WWOX: variants seen among roughly 807,000 people sequenced by gnomAD.
The protein encoded by WWOX is WW domain containing oxidoreductase.
Under a neutral mutation model 46.2 loss-of-function variants are expected in WWOX, and 69 were observed. The ratio of observed to expected loss-of-function variants is 1.49; its 90% CI spans 1.23 to 1.82. WWOX has a LOEUF of 1.82. Among genes scored for constraint, WWOX ranks in the 40% most tolerant of loss-of-function variants. The probability of loss-of-function intolerance (pLI) is 0.00; values close to 1 mark genes in which losing one functional copy is unlikely to be tolerated. For synonymous variants in WWOX, 359 were observed against 202.6 expected, an observed-to-expected ratio of 1.77 and a Z score of -6.56; for missense variants, 919 against 542.6, an observed-to-expected ratio of 1.69 and a Z score of -6.89.
chr16:78,549,581 G>T (rs1312617361), intron 8 of WWOX, among the ~76,000 whole-genome samples: 3 of 152,098 alleles, frequency 2.0e-5, no homozygotes, highest in Admixed American at 2.0e-4. Flanking sequence ...AAGACATGTG[G>T]CCACTCCAGA....
chr16:78,670,376 G>T (rs1487126130), intron 8 of WWOX, among the ~76,000 whole-genome samples: 2 of 152,164 alleles, frequency 1.3e-5, no homozygotes, highest in Non-Finnish European at 2.9e-5. Flanking sequence ...CCGGAAATAT[G>T]CAGGAAAAGC....
At chr16:78,872,351 C>T (rs1199352382) in intron 8 of WWOX, among the ~76,000 whole-genome samples, 1 of 152,044 alleles carries the variant, frequency 6.6e-6, no homozygotes, top group East Asian at 1.9e-4. Context: ...ACTGAGGACT[C>T]AACAAAGTTA....
chr16:78,420,339 C>T (rs1176356704), intron 6 of WWOX, among the ~76,000 whole-genome samples: 1 of 152,086 alleles, frequency 6.6e-6, no homozygotes, highest in African/African-American at 2.4e-5. Context: ...AGTGATATTC[C>T]TAATAGCCAA....
intron 8 of WWOX, among the ~76,000 whole-genome samples, chr16:78,680,594 C>T (rs2047706683): frequency 6.6e-6 from 1 of 152,150 alleles, no homozygotes; most frequent in African/African-American, 2.4e-5. Context: ...CCAGTGGACA[C>T]GTGGGGCCAT....
intron 8 of WWOX, among the ~76,000 whole-genome samples, chr16:78,851,465 T>C (rs1424737576): frequency 6.6e-6 from 1 of 152,212 alleles, no homozygotes; most frequent in African/African-American, 2.4e-5. Flanking sequence ...CAAAGGTCAT[T>C]GCCTATATGA....
intron 8 of WWOX, among the ~76,000 whole-genome samples, chr16:79,209,419 G>T (rs562577536): frequency 1.3e-5 from 2 of 152,314 alleles, no homozygotes; most frequent in Non-Finnish European, 2.9e-5. Flanking sequence ...TTCCCAAACG[G>T]ACTGCTTTGG....
chr16:79,097,546 G>A (rs919850361), intron 8 of WWOX, among the ~76,000 whole-genome samples: 1 of 152,090 alleles, frequency 6.6e-6, no homozygotes, highest in East Asian at 1.9e-4. Context: ...AATGTCTTTT[G>A]TTTGTATTAG....
intron 5 of WWOX, among the ~76,000 whole-genome samples, chr16:78,166,267 T>G (rs546393737): frequency 1.3e-5 from 2 of 152,324 alleles, no homozygotes; most frequent in East Asian, 3.9e-4. Context: ...CATGTGCTTA[T>G]GCTATAACCA....
intron 5 of WWOX, among the ~76,000 whole-genome samples, chr16:78,227,975 A>T (rs1009379095): frequency 1.3e-5 from 2 of 152,148 alleles, no homozygotes; most frequent in Admixed American, 1.3e-4. Context: ...CCATTTCACC[A>T]CAAGATGTCA....
intron 4 of WWOX, among the ~76,000 whole-genome samples, chr16:78,143,407 T>G (rs1005943387): frequency 6.6e-6 from 1 of 152,188 alleles, no homozygotes; most frequent in Admixed American, 6.5e-5. Flanking sequence ...ATATTGTCTA[T>G]TCGAAGGGTC....
intron 8 of WWOX, among the ~76,000 whole-genome samples, chr16:78,930,769 C>T (rs993204169): frequency 3.9e-5 from 6 of 152,028 alleles, no homozygotes; most frequent in Non-Finnish European, 8.8e-5. Flanking sequence ...GGCAAGGTTC[C>T]ACGGCACCTG....
At chr16:78,163,314 C>G (rs529390967) in intron 4 of WWOX, among the ~76,000 whole-genome samples, 3 of 152,330 alleles carry the variant, frequency 2.0e-5, no homozygotes, top group South Asian at 2.1e-4. Flanking sequence ...TGGCCTGAAG[C>G]TGAGTTTCCA....
At chr16:78,852,799 C>T (rs1466842670) in intron 8 of WWOX, among the ~76,000 whole-genome samples, 3 of 152,140 alleles carry the variant, frequency 2.0e-5, no homozygotes, top group African/African-American at 4.8e-5. Context: ...TCAATGGTTC[C>T]ACCTGTTTCT....
At chr16:78,579,864 C>G (rs2941935) in intron 8 of WWOX, among the ~76,000 whole-genome samples, 34,660 of 151,920 alleles carry the variant, frequency 0.23, 4,350 homozygotes, top group African/African-American at 0.32. Flanking sequence ...GAGGCTGCCT[C>G]GAAGACTCAC....
chr16:78,528,551 G>C (rs2043538854), intron 8 of WWOX, among the ~76,000 whole-genome samples: 2 of 152,034 alleles, frequency 1.3e-5, no homozygotes, highest in Non-Finnish European at 1.5e-5. Flanking sequence ...GGTAAGTGGA[G>C]GTAAGAGAAT....
intron 8 of WWOX, among the ~76,000 whole-genome samples, chr16:79,135,344 A>T (rs2150704729): frequency 6.6e-6 from 1 of 152,248 alleles, no homozygotes; most frequent in Non-Finnish European, 1.5e-5. Flanking sequence ...AATTTTATGG[A>T]TTACATTTAT....
intron 8 of WWOX, among the ~76,000 whole-genome samples, chr16:78,721,057 G>T (rs2048677644): frequency 6.6e-6 from 1 of 152,056 alleles, no homozygotes; most frequent in Admixed American, 6.6e-5. Flanking sequence ...TAAGATTGAG[G>T]TCGTTTATTG....
chr16:78,904,297 G>A (rs979047069), intron 8 of WWOX, among the ~76,000 whole-genome samples: 2 of 147,476 alleles, frequency 1.4e-5, no homozygotes, highest in Non-Finnish European at 3.0e-5. Context: ...GGAGTGCACT[G>A]GCATGATCTC....
chr16:78,361,725 TCTCAGC>T (rs2081414074), intron 5 of WWOX, among the ~76,000 whole-genome samples: 2 of 152,028 alleles, frequency 1.3e-5, no homozygotes, highest in Non-Finnish European at 2.9e-5. Flanking sequence ...GATTCTCCCG[TCTCAGC>T]CTCCCAAGGA....
Sources: allele counts gnomAD v4.1 joint callset (sites outside exome capture counted in the v4.1 genomes callset), GRCh38; gene constraint gnomAD v4.1.1; transcripts MANE v1.5; gene names NCBI Gene and HGNC (gene_info 2026-07-23, HGNC 2026-07-21).